Variants in CCM2L observed in about 807,000 individuals in gnomAD.
The protein encoded by CCM2L is CCM2 like scaffold protein, also known as cerebral cavernous malformations 2 protein-like.
CCM2L carries 36 observed loss-of-function variants against 54.1 expected under a neutral mutation model. That is an observed-to-expected ratio of 0.67 (90% CI 0.51 to 0.88). CCM2L has a LOEUF of 0.88. Among genes scored for constraint, CCM2L ranks in the 40% least tolerant of loss-of-function variants. CCM2L has a pLI of 0.00. For synonymous variants in CCM2L, 351 were observed against 359.3 expected (o/e 0.98, Z 0.26); for missense variants, 700 against 812.1 (o/e 0.86, Z 1.68).
chr20:32,022,482 G>A (rs1447871868), intron 5 of CCM2L, among the ~76,000 whole-genome samples, 178 bp from the exon 6 acceptor site: 1 of 152,154 alleles, frequency 6.6e-6, no homozygotes, highest in Admixed American at 6.5e-5. Flanking sequence ...TTCTATAAAG[G>A]GGTTCTAAGA....
chr20:32,012,992 T>TA (rs566757782), intron 1 of CCM2L, among the ~76,000 whole-genome samples: 26 of 152,044 alleles, frequency 1.7e-4, no homozygotes, highest in African/African-American at 6.0e-4. Flanking sequence ...TAAGAAGGCT[T>TA]AAAAAAATCT....
chr20:32,010,532 C>A, intron 1 of CCM2L, 48 bp downstream of exon 1: 1 of 418,662 alleles, frequency 2.4e-6, no homozygotes, highest in Non-Finnish European at 3.4e-6. Flanking sequence ...GTCCCCAAAG[C>A]TGGGGAAGGG....
Position 32,018,071 on chromosome 20 carries a change from T to A in CCM2L, c.375T>A (p.Asn125Lys). 6.2e-7 allele frequency: 1 copy of A among 1,613,122 alleles called. No individual in the cohort carries two copies. The highest frequency in any genetic ancestry group is 8.5e-7 in the Non-Finnish European group (1 of 1,179,884). Residue 125 changes from asparagine (N) to lysine (K), a missense_variant, in exon 4 of 10, where the codon AAT (asparagine) becomes AAA (lysine). Asn to Lys is a moderately conservative substitution (Grantham distance 94, BLOSUM62 0). Coordinates refer to ENST00000452892, the MANE Select transcript of CCM2L (RefSeq NM_001365692.1). ...GCCTGCTGCTCACCTGGCGCGACAA[T>A]GAAGAGCTCATTCTGCGAATCCCTA... ...ARCLLLTWRD[N>K]EELILRIPTH...
At chr20:32,010,803 C>T (rs1246442066) in intron 1 of CCM2L, among the ~76,000 whole-genome samples, 1 of 152,142 alleles carries the variant, frequency 6.6e-6, no homozygotes, top group Non-Finnish European at 1.5e-5. Context: ...CTCCTGCAGC[C>T]TCTCAGACAG....
intron 6 of CCM2L, among the ~76,000 whole-genome samples, chr20:32,023,217 G>A (rs1197102681): frequency 1.3e-5 from 2 of 151,960 alleles, no homozygotes; most frequent in African/African-American, 4.8e-5. Context: ...TGATCCACCC[G>A]CCTCAGCCTC....
In CCM2L at chr20:32,019,007, C is replaced by T. The variant is rs1325719593; in HGVS notation, c.531C>T (p.Pro177=). The change falls in exon 5 of 10, where the codon CCC becomes CCT. Residue 177 remains proline (P), a synonymous_variant. Coordinates refer to ENST00000452892, the MANE Select transcript of CCM2L (RefSeq NM_001365692.1). ...DASPGGAGRD[P]GPPGGAPEKR... ...GCCCAGGCGGCGCAGGACGCGACCC[C>T]GGCCCGCCAGGCGGGGCGCCCGAGA... is the stretch of plus-strand genomic sequence containing the variant. The T allele has an allele frequency of 2.2e-6, 3 of 1,343,488 alleles. No homozygotes were observed. Among genetic ancestry groups the T allele is most frequent in the Non-Finnish European group, 1.9e-6 (2 of 1,055,130 alleles). The allele number at this position is 1,343,488 out of a possible 1,614,324, so 83.2% of individuals were successfully genotyped here. A position where few individuals can be genotyped will look rare whatever the true frequency, so the allele number is the denominator to read the frequency against.
chr20:32,014,844 T>A, intron 1 of CCM2L, 60 bp from the exon 2 acceptor site: 1 of 1,461,660 alleles, frequency 6.8e-7, no homozygotes, highest in Non-Finnish European at 9.3e-7. Flanking sequence ...AAAGTGAGCA[T>A]AGTAAGAGTT....
chr20:32,014,223 T>C lies in CCM2L; in HGVS notation c.31-681T>C, dbSNP rs1245339413. 2.0e-5 allele frequency among the ~76,000 whole-genome samples: 3 copies of C among 148,446 alleles called. No individual in the cohort carries two copies. In the South Asian group the frequency reaches 6.3e-4, roughly 31 times the overall value. On this transcript the variant is annotated intron_variant, in intron 1 of 9. Transcript: ENST00000452892. ...AATCTATATTATATATATTTATGTATATGATTTATATATATGTGTGTACAT... is the reference window on the plus strand; with the variant it reads ...AATCTATATTATATATATTTATGTACATGATTTATATATATGTGTGTACAT...
At position 32,031,035 on chromosome 20, in the gene CCM2L, C is replaced by G. The variant is rs1187532313; in HGVS notation, c.1437C>G (p.Gly479=). 7.7e-7 allele frequency: 1 copy of G among 1,304,146 alleles called. No homozygotes were observed. The highest frequency in any genetic ancestry group is 1.5e-5 in the African/African-American group (1 of 65,872). 80.8% of individuals were successfully genotyped at this position (1,304,146 alleles called of 1,614,324 possible). A position where few individuals can be genotyped will look rare whatever the true frequency, so the allele number is the denominator to read the frequency against. Residue 479 remains glycine, a synonymous_variant, in exon 10 of 10, where the codon GGC becomes GGG. Coordinates refer to ENST00000452892, the MANE Select transcript of CCM2L (RefSeq NM_001365692.1). ...MRPFIPDQDI[G]YFEGFLEGVG... ...CCTTCATCCCGGACCAGGACATCGG[C>G]TACTTCGAGGGCTTCCTGGAGGGCG...
rs1238092587 is a variant in CCM2L at position 32,019,403 on chromosome 20, C to T, written c.927C>T (p.Ala309=). 8 of 1,527,798 alleles carry T rather than the reference C, an allele frequency of 5.2e-6. No homozygotes were observed. The South Asian group carries it at 9.5e-5, about 18-fold the overall frequency. The allele number at this position is 1,527,798 out of a possible 1,614,324, so 94.6% of individuals were successfully genotyped here. A position where few individuals can be genotyped will look rare whatever the true frequency, so the allele number is the denominator to read the frequency against. The part of the protein sequence containing the change: ...AYCNLVILAV[A]NRDAAEESCA... ...GCAACCTGGTCATCCTGGCTGTAGC[C>T]AACAGGGTGAGCCCGAGGGCAGCCT... The change falls in exon 5 of 10, where the codon GCC becomes GCT. Residue 309 remains alanine (A), a synonymous_variant. Coordinates refer to ENST00000452892, the MANE Select transcript of CCM2L (RefSeq NM_001365692.1).
chr20:32,019,161 GC>G lies in CCM2L; in HGVS notation c.687del (p.Ala231ArgfsTer78). The G allele has an allele frequency of 8.9e-7, 1 of 1,118,744 alleles. No homozygotes were observed. Among genetic ancestry groups the G allele is most frequent in the African/African-American group, 1.7e-5 (1 of 60,606 alleles). The allele number at this position is 1,118,744 out of a possible 1,614,324, so 69.3% of individuals were successfully genotyped here. A position where few individuals can be genotyped will look rare whatever the true frequency, so the allele number is the denominator to read the frequency against. On this transcript the variant is annotated frameshift_variant, in exon 5 of 10. Transcript: ENST00000452892. LOFTEE classifies it high-confidence loss of function. ...CGGCGGCAGCTTGGAGCGCCAGCGC[GC>G]CGGGGCGCGGGCGTCGGGCAGCTGG... Reference protein sequence around the residue: ...GGGGSLERQRAGARASGSWER... With the variant: ...GGGGSLERQRXGARASGSWER...
chr20:32,010,464 G>C lies in CCM2L; in HGVS notation c.10G>C (p.Glu4Gln). The change falls in exon 1 of 10, where the codon GAA becomes CAA. Residue 4 changes from glutamate to glutamine, a missense_variant. Transcript: ENST00000452892. MEY[E>Q]VKKGKKGFVS... The stretch of plus-strand genomic sequence containing the variant: ...GAGGGGACATTTCACCATGGAATAT[G>C]AAGTCAAGAAAGGGAAGAAGGTAGG... The C allele has an allele frequency of 6.7e-7, 1 of 1,483,530 alleles. No homozygotes were observed. The highest frequency in any genetic ancestry group is 9.0e-7 in the Non-Finnish European group (1 of 1,105,324). The allele number at this position is 1,483,530 out of a possible 1,614,324, so 91.9% of individuals were successfully genotyped here. A position where few individuals can be genotyped will look rare whatever the true frequency, so the allele number is the denominator to read the frequency against.
chr20:32,012,967 C>T (rs1464279993), intron 1 of CCM2L, among the ~76,000 whole-genome samples: 1 of 151,982 alleles, frequency 6.6e-6, no homozygotes, highest in African/African-American at 2.4e-5. Flanking sequence ...AGCTGAGCTG[C>T]CTTTTGAAAT....
At position 32,022,655 on chromosome 20, in the gene CCM2L, G is replaced by A. The variant is rs756143666; in HGVS notation, c.934-5G>A. ...CTGAGCTCTCTCTCCTCCTCCCTGG[G>A]CCAGGACGCTGCAGAGGAGTCCTGC... On this transcript the variant is annotated splice_region_variant and splice_polypyrimidine_tract_variant and intron_variant, in intron 5 of 9. Transcript: ENST00000452892. The A allele has an allele frequency of 3.7e-5, 60 of 1,613,940 alleles. No homozygotes were observed. Among genetic ancestry groups the A allele is most frequent in the South Asian group, 3.0e-4 (27 of 91,050 alleles).
Position 32,025,875 on chromosome 20 carries a change from T to C in CCM2L, c.1089T>C (p.Asp363=). Residue 363 remains aspartate, a synonymous_variant, in exon 7 of 10, where the codon GAT becomes GAC. Transcript: ENST00000452892. ...TCCCAGGTGAGAGCTGCCACACAGATGGGACGTATGCCTATGATGCCGACT... is the reference window on the plus strand; with the variant it reads ...TCCCAGGTGAGAGCTGCCACACAGACGGGACGTATGCCTATGATGCCGACT... ...LCSRSESCHT[D]GTYAYDADFS... is the part of the protein sequence containing the mutation. 7.7e-7 allele frequency: 1 copy of C among 1,304,104 alleles called. No individual in the cohort carries two copies. The highest frequency in any genetic ancestry group is 1.0e-6 in the Non-Finnish European group (1 of 988,944). The allele number at this position is 1,304,104 out of a possible 1,614,324, so 80.8% of individuals were successfully genotyped here. A position where few individuals can be genotyped will look rare whatever the true frequency, so the allele number is the denominator to read the frequency against.
chr20:32,025,843 C>A lies in CCM2L; in HGVS notation c.1070-13C>A, dbSNP rs1489041652. 13 of 1,303,516 alleles carry A rather than the reference C, an allele frequency of 1.0e-5. No homozygotes were observed. Among genetic ancestry groups the A allele is most frequent in the Non-Finnish European group, 1.3e-5 (13 of 988,750 alleles). 80.7% of individuals were successfully genotyped at this position (1,303,516 alleles called of 1,614,324 possible). A position where few individuals can be genotyped will look rare whatever the true frequency, so the allele number is the denominator to read the frequency against. On this transcript the variant is annotated splice_polypyrimidine_tract_variant and intron_variant, in intron 6 of 9. Coordinates refer to ENST00000452892, the MANE Select transcript of CCM2L (RefSeq NM_001365692.1). ...TTGCTGCCTCTGACAGTCCCTCTGT[C>A]TGCTGGTCCCAGGTGAGAGCTGCCA...
chr20:32,013,055 T>C (rs2064707166), intron 1 of CCM2L, among the ~76,000 whole-genome samples: 1 of 152,096 alleles, frequency 6.6e-6, no homozygotes. Context: ...TCCCAGCACT[T>C]TGGGAGGCCA....
intron 5 of CCM2L, among the ~76,000 whole-genome samples, chr20:32,020,090 T>C (rs1162257945): frequency 6.6e-6 from 1 of 152,164 alleles, no homozygotes; most frequent in Non-Finnish European, 1.5e-5. Context: ...ATGGGCTAGG[T>C]GCTATGGATA....
In CCM2L at chr20:32,015,057, G is replaced by A. The variant is rs779978757; in HGVS notation, c.184G>A (p.Glu62Lys). 6 of 1,522,902 alleles carry A rather than the reference G, an allele frequency of 3.9e-6. No homozygotes were observed. The South Asian group carries it at 7.6e-5, about 19-fold the overall frequency. 94.3% of individuals were successfully genotyped at this position (1,522,902 alleles called of 1,614,324 possible). A position where few individuals can be genotyped will look rare whatever the true frequency, so the allele number is the denominator to read the frequency against. Residue 62 changes from glutamate (E) to lysine (K), a missense_variant, in exon 2 of 10, where the codon GAG becomes AAG. Coordinates refer to ENST00000452892, the MANE Select transcript of CCM2L (RefSeq NM_001365692.1). Reference protein sequence around the residue: ...DPQILLCDYLEKEVKFLGHLT... With the variant: ...DPQILLCDYLKKEVKFLGHLT... ...CCAGATTCTGCTGTGTGACTACCTG[G>A]AGAAAGAGGTCAAGGTGCGTGCAGG...
Sources: gnomAD v4.1 joint callset for allele counts (sites outside exome capture counted in the v4.1 genomes callset) on GRCh38, gnomAD v4.1.1 for gene constraint, MANE v1.5 for transcripts, NCBI Gene and HGNC (gene_info 2026-07-23, HGNC 2026-07-21) for gene names.